Variants in CHRNA2 observed in about 807,000 individuals in gnomAD.
The protein encoded by CHRNA2 is cholinergic receptor nicotinic alpha 2 subunit, also known as neuronal acetylcholine receptor subunit alpha-2.
In CHRNA2, 40 loss-of-function variants were observed where a neutral mutation model predicts 45.5. The ratio of observed to expected loss-of-function variants is 0.88; its 90% CI spans 0.68 to 1.15. CHRNA2 has a LOEUF of 1.15. Ranked by LOEUF, CHRNA2 falls within the 50% of genes most tolerant of loss-of-function variation. CHRNA2 has a pLI of 0.00. For missense variants in CHRNA2, 655 were observed against 701.7 expected, an observed-to-expected ratio of 0.93 and a Z score of 0.75; for synonymous variants, 301 against 296.7, an observed-to-expected ratio of 1.01 and a Z score of -0.15.
At chr8:27,462,395 C>G (rs765567636) in intron 6 of CHRNA2, among the ~76,000 whole-genome samples, 23 of 151,888 alleles carry the variant, frequency 1.5e-4, no homozygotes, top group Non-Finnish European at 1.9e-4. Context: ...TAGCGGCCTG[C>G]TCAATGGCAG....
intron 3 of CHRNA2, 50 bp downstream of exon 3, chr8:27,469,711 G>T (rs374208928): frequency 3.7e-6 from 6 of 1,600,196 alleles, no homozygotes; most frequent in Non-Finnish European, 5.1e-6. Flanking sequence ...GAAAGCGGTG[G>T]GTGGTCTGGG....
At chr8:27,474,639 G>A (rs566828016) in intron 1 of CHRNA2, among the ~76,000 whole-genome samples, 3 of 152,378 alleles carry the variant, frequency 2.0e-5, no homozygotes, top group South Asian at 4.1e-4. Context: ...CTGGCAGTGG[G>A]AAGCTTCTCC....
rs746292157 is a variant in CHRNA2 at position 27,463,653 on chromosome 8, G to A, written c.790C>T (p.Leu264=). 10 of 1,614,026 alleles carry A rather than the reference G, an allele frequency of 6.2e-6. No individual in the cohort carries two copies. Among genetic ancestry groups the A allele is most frequent in the Non-Finnish European group, 7.6e-6 (9 of 1,180,038 alleles). ...AGGTTGATGGTGTAGAAGAGCGGCA[G>A]CCGCCGGATGACGAAGGCGTAGGTG... ...DVTYAFVIRR[L]PLFYTINLII... is the part of the protein sequence containing the mutation. The change falls in exon 6 of 7, where the codon CTG becomes TTG. Residue 264 remains leucine (L), a synonymous_variant. Transcript: ENST00000407991. This position sits in a 1 kb window ranked among gnomAD's most constrained non-coding sequence, Gnocchi z 6.1.
rs202127295 is a variant in CHRNA2, at chr8:27,463,577, A to G, written c.866T>C (p.Leu289Pro). ...GATCTTCTCGCCGCAGTCGGAGGGC[A>G]GGTAGAAGACCAGCACAGTGAGGCA... is the stretch of plus-strand genomic sequence containing the variant. ...ISCLTVLVFY[L>P]PSDCGEKITL... Residue 289 changes from leucine to proline, a missense_variant, in exon 6 of 7, where the codon CTG (leucine) becomes CCG (proline). Coordinates refer to ENST00000407991, the MANE Select transcript of CHRNA2 (RefSeq NM_000742.4). The surrounding 1 kb of genome is among the most constrained non-coding windows in gnomAD (Gnocchi z 6.1). The G allele has an allele frequency of 6.2e-7, 1 of 1,614,094 alleles. No homozygotes were observed. The highest frequency in any genetic ancestry group is 8.5e-7 in the Non-Finnish European group (1 of 1,180,034).
At chr8:27,470,226 G>GGGCAGAGT (rs1812835544) in intron 2 of CHRNA2, among the ~76,000 whole-genome samples, 2 of 152,176 alleles carry the variant, frequency 1.3e-5, no homozygotes, top group African/African-American at 4.8e-5. Flanking sequence ...AGGGGCAGAG[G>GGGCAGAGT]CAGGGAAGAG....
chr8:27,470,918 C>T, intron 2 of CHRNA2, 68 bp downstream of exon 2: 1 of 1,530,814 alleles, frequency 6.5e-7, no homozygotes, highest in Non-Finnish European at 9.0e-7. Flanking sequence ...CCTGCAGACT[C>T]CTTCCTACAA....
chr8:27,474,919 A>G (rs1201969904), intron 1 of CHRNA2, among the ~76,000 whole-genome samples: 1 of 152,318 alleles, frequency 6.6e-6, no homozygotes, highest in East Asian at 1.9e-4. Context: ...GACTTCCCCA[A>G]AGCAGACCAT....
rs1812596149 is a variant in CHRNA2, at chr8:27,463,635, T to C, written c.808A>G (p.Ile270Val). ...AGCAGGCAGGGGATGATGAGGTTGA[T>C]GGTGTAGAAGAGCGGCAGCCGCCGG... The part of the protein sequence containing the change: ...VIRRLPLFYT[I>V]NLIIPCLLIS... Residue 270 changes from isoleucine (I) to valine (V), a missense_variant, in exon 6 of 7, where the codon ATC becomes GTC. Physicochemically the swap from Ile to Val is conservative, Grantham distance 29. This residue lies in a region of CHRNA2 where 37 missense variants were observed against 66.8 expected (regional missense o/e 0.55). Coordinates refer to ENST00000407991, the MANE Select transcript of CHRNA2 (RefSeq NM_000742.4). This position sits in a 1 kb window ranked among gnomAD's most constrained non-coding sequence, Gnocchi z 6.1. 1 of 1,613,894 alleles carries C rather than the reference T, an allele frequency of 6.2e-7. No individual in the cohort carries two copies. Among genetic ancestry groups the C allele is most frequent in the South Asian group, 1.1e-5 (1 of 91,054 alleles).
chr8:27,465,132 G>T (rs1217652248), intron 5 of CHRNA2, among the ~76,000 whole-genome samples: 1 of 152,164 alleles, frequency 6.6e-6, no homozygotes, highest in Non-Finnish European at 1.5e-5. Context: ...GTGGGACTAG[G>T]CATTCAAGGA....
chr8:27,469,114 G>A (rs1812787663), intron 4 of CHRNA2, among the ~76,000 whole-genome samples: 1 of 152,202 alleles, frequency 6.6e-6, no homozygotes, highest in Non-Finnish European at 1.5e-5. Context: ...TCTAGTGCCT[G>A]AGGCTATGTT....
chr8:27,468,590 C>T lies in CHRNA2; in HGVS notation c.339+745G>A, dbSNP rs150097049. 7.1e-3 allele frequency among the ~76,000 whole-genome samples: 1,080 copies of T among 152,332 alleles called. 18 individuals carry two copies. Among genetic ancestry groups the T allele is most frequent in the African/African-American group, 0.025 (1,038 of 41,580 alleles). On this transcript the variant is annotated intron_variant, in intron 4 of 6. Transcript: ENST00000407991. ...CCACCAGGCAGGATGTCTGACTCCC[C>T]TGCTGGAGAGACTCTGAGGATGCCT...
At position 27,463,555 on chromosome 8, in the gene CHRNA2, C is replaced by G. The variant is rs768696312; in HGVS notation, c.888G>C (p.Lys296Asn). The G allele has an allele frequency of 3.7e-6, 6 of 1,614,084 alleles. No individual in the cohort carries two copies. Among genetic ancestry groups the G allele is most frequent in the Non-Finnish European group, 5.1e-6 (6 of 1,180,032 alleles). Residue 296 changes from lysine to asparagine, a missense_variant, in exon 6 of 7, where the codon AAG becomes AAC. By Grantham distance (94) the Lys-to-Asn change is moderately conservative. Transcript: ENST00000407991. The surrounding 1 kb of genome is among the most constrained non-coding windows in gnomAD (Gnocchi z 6.1). ...VFYLPSDCGE[K>N]ITLCISVLLS... ...GCAGCACCGAAATGCACAGCGTGAT[C>G]TTCTCGCCGCAGTCGGAGGGCAGGT...
Position 27,463,866 on chromosome 8 carries a change from C to G in CHRNA2, c.577G>C (p.Asp193His). 2 of 1,614,094 alleles carry G rather than the reference C, an allele frequency of 1.2e-6. No individual in the cohort carries two copies. The highest frequency in any genetic ancestry group is 1.7e-6 in the Non-Finnish European group (2 of 1,180,018). The change falls in exon 6 of 7, where the codon GAC becomes CAC. Residue 193 changes from aspartate to histidine, a missense_variant. Around this residue, in one of 3 missense-constraint regions of CHRNA2, gnomAD observed 323 missense variants for 354.4 expected, o/e 0.91. Coordinates refer to ENST00000407991, the MANE Select transcript of CHRNA2 (RefSeq NM_000742.4). This position sits in a 1 kb window ranked among gnomAD's most constrained non-coding sequence, Gnocchi z 6.1. ...CSIDVTFFPF[D>H]QQNCKMKFGS... is the part of the protein sequence containing the mutation. The stretch of plus-strand genomic sequence containing the variant: ...AACTTCATCTTGCAGTTCTGCTGGT[C>G]GAAGGGGAAGAAGGTGACGTCGATG...
chr8:27,474,854 A>T (rs897119495), intron 1 of CHRNA2, among the ~76,000 whole-genome samples: 1 of 152,250 alleles, frequency 6.6e-6, no homozygotes, highest in African/African-American at 2.4e-5. Flanking sequence ...GGTGAACCGC[A>T]GTGGCAAGGT....
At chr8:27,465,828 T>C (rs1363135307) in intron 5 of CHRNA2, among the ~76,000 whole-genome samples, 4 of 152,214 alleles carry the variant, frequency 2.6e-5, no homozygotes, top group Admixed American at 2.0e-4. Flanking sequence ...AACTCTAAGA[T>C]GCCTTCCTCT....
intron 1 of CHRNA2, among the ~76,000 whole-genome samples, chr8:27,474,397 C>T (rs1205572729): frequency 6.6e-6 from 1 of 152,114 alleles, no homozygotes; most frequent in African/African-American, 2.4e-5. Flanking sequence ...GAATATTGCC[C>T]CTGTCCATGA....
At chr8:27,470,546 A>C (rs1812848358) in intron 2 of CHRNA2, among the ~76,000 whole-genome samples, 1 of 152,230 alleles carries the variant, frequency 6.6e-6, no homozygotes, top group Non-Finnish European at 1.5e-5. Flanking sequence ...GTCAGTTTTC[A>C]CTGTGTTCAG....
chr8:27,463,889 A>T lies in CHRNA2; in HGVS notation c.554T>A (p.Ile185Asn), dbSNP rs779984445. 3 of 1,614,042 alleles carry T rather than the reference A, an allele frequency of 1.9e-6. No homozygotes were observed. The highest frequency in any genetic ancestry group is 2.5e-6 in the Non-Finnish European group (3 of 1,180,036). The change falls in exon 6 of 7, where the codon ATC (isoleucine) becomes AAC (asparagine). Residue 185 changes from isoleucine (I) to asparagine (N), a missense_variant. By Grantham distance (149) the Ile-to-Asn change is moderately radical. Coordinates refer to ENST00000407991, the MANE Select transcript of CHRNA2 (RefSeq NM_000742.4). The surrounding 1 kb of genome is among the most constrained non-coding windows in gnomAD (Gnocchi z 6.1). Reference sequence around the variant, plus strand: ...GTCGAAGGGGAAGAAGGTGACGTCGATGCTGCAGGAGCTCTTGTAGATGGC... The same window carrying T: ...GTCGAAGGGGAAGAAGGTGACGTCGTTGCTGCAGGAGCTCTTGTAGATGGC... ...PPAIYKSSCS[I>N]DVTFFPFDQQ...
At chr8:27,462,532 G>C (rs1812528324) in intron 6 of CHRNA2, among the ~76,000 whole-genome samples, 1 of 152,202 alleles carries the variant, frequency 6.6e-6, no homozygotes, top group African/African-American at 2.4e-5. Context: ...AAGATCCTCA[G>C]GAGCCCATGA....
Sources: gnomAD v4.1 joint callset for allele counts (sites outside exome capture counted in the v4.1 genomes callset) on GRCh38, gnomAD v4.1.1 for gene constraint, gnomAD v4.1.1 regional missense constraint, Gnocchi (gnomAD v3.1) non-coding constraint, MANE v1.5 for transcripts, NCBI Gene and HGNC (gene_info 2026-07-23, HGNC 2026-07-21) for gene names.